BTAF1: variants seen among roughly 807,000 people sequenced by gnomAD.
BTAF1 encodes TATA-binding protein-associated factor 172.
BTAF1 carries 38 observed loss-of-function variants against 227.1 expected under a neutral mutation model. The observed-to-expected ratio is 0.17, with a 90% CI of 0.13 to 0.22. The LOEUF is 0.22. Ranked by LOEUF, BTAF1 falls within the 10% of genes least tolerant of loss-of-function variation. BTAF1 has a pLI of 1.00. For missense variants in BTAF1, 1,598 were observed against 2,204.0 expected (o/e 0.73, Z 5.51); for synonymous variants, 742 against 751.9 (o/e 0.99, Z 0.21).
intron 20 of BTAF1, among the ~76,000 whole-genome samples, chr10:91,991,829 A>ATATATATG (rs1564700757): frequency 5.5e-5 from 8 of 146,774 alleles, no homozygotes; most frequent in African/African-American, 2.0e-4. Flanking sequence ...ATATATATAT[A>ATATATATG]TATACACACA....
chr10:91,936,542 A>G (rs1161369649), intron 2 of BTAF1, among the ~76,000 whole-genome samples: 1 of 150,306 alleles, frequency 6.7e-6, no homozygotes, highest in South Asian at 2.1e-4. Flanking sequence ...CTCAGCATAC[A>G]CATCTGTACT....
At chr10:91,925,423 G>A (rs1843757307) in intron 1 of BTAF1, among the ~76,000 whole-genome samples, 1 of 151,704 alleles carries the variant, frequency 6.6e-6, no homozygotes, top group Non-Finnish European at 1.5e-5. Context: ...TTTTCTTAGA[G>A]CAACCTGTGC....
rs553854296 is a variant in BTAF1, at chr10:91,951,155, T to C, written c.401-248T>C. 5.9e-5 allele frequency among the ~76,000 whole-genome samples: 9 copies of C among 152,240 alleles called. 1 individual carries two copies. The East Asian group carries it at 1.7e-3, about 29-fold the overall frequency. On this transcript the variant is annotated intron_variant, in intron 4 of 37. Transcript: ENST00000265990. ...AATGAATCTTATTATTTTATATATATTTACTAATTAACAGTTGGGGAATGC... is the reference window on the plus strand; with the variant it reads ...AATGAATCTTATTATTTTATATATACTTACTAATTAACAGTTGGGGAATGC...
intron 14 of BTAF1, among the ~76,000 whole-genome samples, chr10:91,969,736 G>C (rs934080928): frequency 1.3e-5 from 2 of 152,126 alleles, no homozygotes; most frequent in East Asian, 3.8e-4. Flanking sequence ...GGCTGAGGCG[G>C]GCGGATCACT....
At chr10:91,929,280 TAGAG>T (rs1844101065) in intron 1 of BTAF1, among the ~76,000 whole-genome samples, 1 of 152,208 alleles carries the variant, frequency 6.6e-6, no homozygotes, top group Admixed American at 6.5e-5. Flanking sequence ...CTTAATCAGC[TAGAG>T]AAAGTTTCAG....
chr10:91,971,459 T>G (rs899024795), intron 14 of BTAF1, among the ~76,000 whole-genome samples: 21 of 142,038 alleles, frequency 1.5e-4, no homozygotes, highest in Middle Eastern at 6.9e-3. Flanking sequence ...AATAATGGTA[T>G]AAAGCCAAAC....
chr10:91,951,638 T>C (rs1845769584), intron 5 of BTAF1, 72 bp downstream of exon 5: 2 of 1,451,604 alleles, frequency 1.4e-6, no homozygotes, highest in African/African-American at 1.4e-5. Flanking sequence ...TTTATGTAAT[T>C]ATAGTTTAAG....
At chr10:91,981,901 A>T (rs1313880955) in intron 16 of BTAF1, 109 bp downstream of exon 16, 18 of 1,379,874 alleles carry the variant, frequency 1.3e-5, no homozygotes, top group Non-Finnish European at 1.6e-5. Context: ...AATTAACATA[A>T]GTAAGGAGAA....
At position 92,030,044 on chromosome 10, in the gene BTAF1, TA is replaced by T. The variant is rs555300213; in HGVS notation, c.*1114del. ...TATATAATTTTATAAGTTTCACGCATAAATTAATACATGCCTGTGTGCATAC... is the reference window on the plus strand; with the variant it reads ...TATATAATTTTATAAGTTTCACGCATAATTAATACATGCCTGTGTGCATAC... On this transcript the variant is annotated 3_prime_UTR_variant, in exon 38 of 38. Transcript: ENST00000265990. The T allele has an allele frequency of 3.7e-3, 564 of 152,642 alleles. 2 individuals are homozygous for T. The highest frequency in any genetic ancestry group is 5.8e-3 in the Non-Finnish European group (396 of 67,940). 9.5% of individuals were successfully genotyped at this position (152,642 alleles called of 1,614,324 possible). A position where few individuals can be genotyped will look rare whatever the true frequency, so the allele number is the denominator to read the frequency against.
At chr10:91,990,685 C>T (rs1056038578) in intron 20 of BTAF1, among the ~76,000 whole-genome samples, 6 of 151,964 alleles carry the variant, frequency 3.9e-5, no homozygotes, top group African/African-American at 1.5e-4. Context: ...CCCAGCTACT[C>T]GGGAGGCTGA....
chr10:91,963,941 T>C (rs1277036601), intron 12 of BTAF1, 136 bp from the exon 13 acceptor site: 1 of 909,924 alleles, frequency 1.1e-6, no homozygotes, highest in East Asian at 2.5e-5. Context: ...TTAACTTTAC[T>C]CAAAATTGAC....
chr10:91,962,825 T>G (rs1252206049), intron 12 of BTAF1, 147 bp downstream of exon 12: 3 of 610,976 alleles, frequency 4.9e-6, no homozygotes, highest in East Asian at 3.0e-5. Context: ...CAATCTTGAT[T>G]ATATATTGTA....
chr10:92,011,096 A>G lies in BTAF1; in HGVS notation c.4127A>G (p.His1376Arg), dbSNP rs768787672. Residue 1376 changes from histidine (H) to arginine (R), a missense_variant, in exon 29 of 38, where the codon CAC becomes CGC. His to Arg is a conservative substitution (Grantham distance 29). This residue lies in a region of BTAF1 where 184 missense variants were observed against 341.1 expected (regional missense o/e 0.54). Coordinates refer to ENST00000265990, the MANE Select transcript of BTAF1 (RefSeq NM_003972.3). ...AGGTTACAGCACCAAGTAAAAAGGC[A>G]CAATCTAATAGTGGCTTCATATGAT... is the stretch of plus-strand genomic sequence containing the variant. The part of the protein sequence containing the change: ...RIRLQHQVKR[H>R]NLIVASYDVV... 2 of 1,607,708 alleles carry G rather than the reference A, an allele frequency of 1.2e-6. No homozygotes were observed. The highest frequency in any genetic ancestry group is 1.1e-5 in the South Asian group (1 of 89,000).
At chr10:92,007,903 G>T (rs1419468769) in intron 25 of BTAF1, among the ~76,000 whole-genome samples, 1 of 152,226 alleles carries the variant, frequency 6.6e-6, no homozygotes, top group Admixed American at 6.5e-5. Context: ...GTGGGAAAAT[G>T]AAGTTGTAGA....
chr10:91,927,549 T>C (rs1329447877), intron 1 of BTAF1, among the ~76,000 whole-genome samples: 1 of 152,204 alleles, frequency 6.6e-6, no homozygotes, highest in Non-Finnish European at 1.5e-5. Context: ...ACATAAACTC[T>C]GAGAGAAGGA....
Position 91,994,528 on chromosome 10 carries a change from T to C in BTAF1, c.3200-7T>C. On this transcript the variant is annotated splice_region_variant and splice_polypyrimidine_tract_variant and intron_variant, in intron 22 of 37. Coordinates refer to ENST00000265990, the MANE Select transcript of BTAF1 (RefSeq NM_003972.3). ...TGCCAGATAATACAGACAATATATT[T>C]TAACAGATGGAAAATCCCTCCTGGA... The C allele has an allele frequency of 3.1e-6, 5 of 1,595,842 alleles. No homozygotes were observed. Among genetic ancestry groups the C allele is most frequent in the Non-Finnish European group, 3.4e-6 (4 of 1,166,338 alleles).
At chr10:91,955,449 G>GTA (rs1035323482) in intron 6 of BTAF1, among the ~76,000 whole-genome samples, 32 of 152,046 alleles carry the variant, frequency 2.1e-4, no homozygotes, top group Non-Finnish European at 3.2e-4. Flanking sequence ...ATATATGTGT[G>GTA]TATATATATA....
chr10:91,924,720 C>A (rs1348673381), intron 1 of BTAF1, among the ~76,000 whole-genome samples: 2 of 152,146 alleles, frequency 1.3e-5, no homozygotes, highest in African/African-American at 2.4e-5. Flanking sequence ...GAAATATTGC[C>A]TGTCAACAGG....
chr10:91,947,516 C>T (rs1468015631), intron 4 of BTAF1, among the ~76,000 whole-genome samples: 1 of 151,968 alleles, frequency 6.6e-6, no homozygotes, highest in African/African-American at 2.4e-5. Flanking sequence ...ATCAATTGAC[C>T]ATCAGACACA....
Sources: gnomAD v4.1 joint callset for allele counts (sites outside exome capture counted in the v4.1 genomes callset) on GRCh38, gnomAD v4.1.1 for gene constraint, gnomAD v4.1.1 regional missense constraint, MANE v1.5 for transcripts, NCBI Gene and HGNC (gene_info 2026-07-23, HGNC 2026-07-21) for gene names.